The following PDE4DIP variants were observed in gnomAD, a reference collection of about 807,000 sequenced individuals.
PDE4DIP encodes phosphodiesterase 4D interacting protein.
A neutral mutation model predicts 221.4 loss-of-function variants in PDE4DIP; 59 were observed. That is an observed-to-expected ratio of 0.27 (90% CI 0.22 to 0.33). PDE4DIP has a LOEUF of 0.33. PDE4DIP is among the 10% of genes least tolerant of loss of function. The probability of loss-of-function intolerance (pLI) is 1.00; values close to 1 mark genes in which losing one functional copy is unlikely to be tolerated. For synonymous variants in PDE4DIP, 404 were observed against 815.9 expected, an observed-to-expected ratio of 0.50 and a Z score of 8.60; for missense variants, 1,036 against 2,154.2, an observed-to-expected ratio of 0.48 and a Z score of 10.28.
intron 37 of PDE4DIP, among the ~76,000 whole-genome samples, chr1:149,023,616 A>T (rs868912061): frequency 1.4e-5 from 2 of 145,266 alleles, no homozygotes; most frequent in Non-Finnish European, 3.0e-5. Flanking sequence ...GTGTGCACAT[A>T]TATATGTACA....
At chr1:149,016,858 A>G (rs1258752733) in intron 33 of PDE4DIP, among the ~76,000 whole-genome samples, 1 of 152,298 alleles carries the variant, frequency 6.6e-6, no homozygotes, top group Non-Finnish European at 1.5e-5. Flanking sequence ...CCCTTCCAGA[A>G]TGCCAGGCAT....
At chr1:148,944,203 T>C (rs1306981356) in intron 5 of PDE4DIP, among the ~76,000 whole-genome samples, 1 of 152,152 alleles carries the variant, frequency 6.6e-6, no homozygotes, top group Admixed American at 6.5e-5. Context: ...AAAGATGTCT[T>C]TTGGTGGTAC....
At chr1:149,017,780 A>C in exon 34 of PDE4DIP, 1 of 1,607,440 alleles carries the variant, frequency 6.2e-7, no homozygotes, top group Non-Finnish European at 8.5e-7. Flanking sequence ...TCTTGGTGAA[A>C]TCCGGAACCT....
At chr1:148,875,947 A>C (rs1691113720) in intron 3 of PDE4DIP, among the ~76,000 whole-genome samples, 1 of 152,292 alleles carries the variant, frequency 6.6e-6, no homozygotes, top group South Asian at 2.1e-4. Context: ...TAAATCTTAA[A>C]TACTGGGATA....
At chr1:148,925,650 C>T (rs1434626263) in intron 1 of PDE4DIP, among the ~76,000 whole-genome samples, 2 of 152,022 alleles carry the variant, frequency 1.3e-5, no homozygotes, top group Non-Finnish European at 2.9e-5. Flanking sequence ...CTGACTGGCA[C>T]TAGTCAGCCT....
chr1:148,979,828 A>G lies in PDE4DIP; in HGVS notation c.2666A>G (p.Lys889Arg), dbSNP rs782247719. Residue 889 changes from lysine (K) to arginine (R), a missense_variant, in exon 20 of 44, where the codon AAG becomes AGG. Lys to Arg is a conservative substitution (Grantham distance 26). Transcript: ENST00000369354. ...AGACAGCTCTATAGCAGTCTGGTGA[A>G]GTTCCATGCCCATCCAGAGAGGTAA... 1.1e-5 allele frequency: 18 copies of G among 1,613,204 alleles called. No individual in the cohort carries two copies. In the East Asian group the frequency reaches 4.0e-4, roughly 36 times the overall value.
At chr1:148,866,635 GGGA>G (rs1686926736) in intron 2 of PDE4DIP, 1 of 47,292 alleles carries the variant, frequency 2.1e-5, no homozygotes. Flanking sequence ...GGAGGGGGAA[GGGA>G]GGGGAGGGGA....
chr1:148,988,230 A>T (rs587657491), intron 21 of PDE4DIP, among the ~76,000 whole-genome samples: 3 of 151,720 alleles, frequency 2.0e-5, no homozygotes, highest in East Asian at 3.9e-4. Flanking sequence ...GTGGCCTTCA[A>T]CTTTCTCAGT....
intron 18 of PDE4DIP, 76 bp from the exon 22 acceptor site, chr1:148,978,202 A>T: frequency 2.2e-6 from 3 of 1,365,384 alleles, no homozygotes; most frequent in Non-Finnish European, 3.1e-6. Context: ...ATTTCAAGAC[A>T]TTTGTTCCCG....
At chr1:148,978,185 G>C in intron 18 of PDE4DIP, 93 bp from the exon 22 acceptor site, 1 of 1,314,806 alleles carries the variant, frequency 7.6e-7, no homozygotes, top group South Asian at 1.3e-5. Flanking sequence ...GAAAGTATAG[G>C]CAGAATATTT....
At chr1:148,954,324 G>C (rs2054567227) in intron 5 of PDE4DIP, among the ~76,000 whole-genome samples, 1 of 151,784 alleles carries the variant, frequency 6.6e-6, no homozygotes, top group Non-Finnish European at 1.5e-5. Context: ...CTGTAAGGCA[G>C]TTAGTTCTCT....
exon 44 of PDE4DIP, chr1:149,032,322 T>C (rs1161469277): frequency 1.6e-5 from 9 of 579,630 alleles, no homozygotes; most frequent in South Asian, 1.4e-4. Context: ...CAAGAGCACA[T>C]TTCTTGCCTC....
At chr1:148,978,445 T>C (rs1574765931) in intron 19 of PDE4DIP, 30 bp downstream of exon 22, 6 of 1,426,266 alleles carry the variant, frequency 4.2e-6, no homozygotes, top group Non-Finnish European at 4.8e-6. Flanking sequence ...ACCTTATTTA[T>C]TTATTTACAT....
At chr1:148,927,091 G>T (rs1553466278) in intron 1 of PDE4DIP, among the ~76,000 whole-genome samples, 1 of 149,776 alleles carries the variant, frequency 6.7e-6, no homozygotes, top group Admixed American at 6.7e-5. Context: ...TACTTCTAAT[G>T]AAACAAATTA....
At chr1:149,032,906 T>C (rs10943) in exon 44 of PDE4DIP, 1 of 205,738 alleles carries the variant, frequency 4.9e-6, no homozygotes, top group East Asian at 7.3e-5. Context: ...GCTAACGCCA[T>C]ATATTGAAGG....
chr1:149,000,426 G>T (rs369491298), intron 23 of PDE4DIP, among the ~76,000 whole-genome samples: 3 of 151,844 alleles, frequency 2.0e-5, no homozygotes, highest in African/African-American at 7.3e-5. Flanking sequence ...GTGGTGGCAC[G>T]TGCCTGTAGT....
chr1:148,860,039 AAG>A (rs1173808690), intron 1 of PDE4DIP, among the ~76,000 whole-genome samples: 2 of 57,356 alleles, frequency 3.5e-5, no homozygotes, highest in African/African-American at 7.4e-5. Context: ...CTCTGGCAAT[AAG>A]AGAGGGAACT....
At chr1:149,025,272 C>A (rs1299151637) in intron 38 of PDE4DIP, among the ~76,000 whole-genome samples, 2 of 152,052 alleles carry the variant, frequency 1.3e-5, no homozygotes, top group Non-Finnish European at 2.9e-5. Context: ...TGTGTTCCTT[C>A]CAGCTCATTG....
intron 21 of PDE4DIP, chr1:148,984,463 G>A (rs1184312772): frequency 6.6e-6 from 1 of 151,982 alleles, no homozygotes; most frequent in Non-Finnish European, 1.5e-5. Flanking sequence ...GTTTCCTTGA[G>A]GGTTCTTTAG....
Sources: gnomAD v4.1 joint callset for allele counts (sites outside exome capture counted in the v4.1 genomes callset) on GRCh38, gnomAD v4.1.1 for gene constraint, MANE v1.5 for transcripts, NCBI Gene and HGNC (gene_info 2026-07-23, HGNC 2026-07-21) for gene names.